Variants in TRIM38 observed in about 807,000 individuals in gnomAD.
TRIM38 encodes the protein E3 ubiquitin-protein ligase TRIM38.
TRIM38 carries 35 observed loss-of-function variants against 35.8 expected under a neutral mutation model. The observed-to-expected ratio is 0.98, with a 90% confidence interval of 0.75 to 1.30. The LOEUF (loss-of-function observed/expected upper bound fraction) is 1.30. Among genes scored for constraint, TRIM38 ranks in the 50% most tolerant of loss-of-function variants. TRIM38 has a pLI of 0.00. For synonymous variants in TRIM38, 198 were observed against 204.7 expected, an observed-to-expected ratio of 0.97 and a Z score of 0.28; for missense variants, 545 against 556.9, an observed-to-expected ratio of 0.98 and a Z score of 0.21.
At position 25,973,781 on chromosome 6, in the gene TRIM38, C is replaced by T. The variant is rs534192356; in HGVS notation, c.874+496C>T. On this transcript the variant is annotated intron_variant, in intron 7 of 7. Coordinates refer to ENST00000357085, the MANE Select transcript of TRIM38 (RefSeq NM_006355.5). ...TCATTCACATATTTTAGGAACTTGA[C>T]TTAGATAACACAGATGACAAATGTT... 1.3e-3 allele frequency: 1,275 copies of T among 985,390 alleles called. 2 individuals carry two copies. Among genetic ancestry groups the T allele is most frequent in the South Asian group, 3.2e-3 (68 of 21,288 alleles). The allele number at this position is 985,390 out of a possible 1,614,324, so 61.0% of individuals were successfully genotyped here.
At chr6:25,974,998 A>G (rs1760347732) in intron 7 of TRIM38, 1 of 980,308 alleles carries the variant, frequency 1.0e-6, no homozygotes, top group African/African-American at 1.8e-5. Flanking sequence ...GAATCATAAT[A>G]TGGTTCAAGT....
At position 25,972,039 on chromosome 6, in the gene TRIM38, C is replaced by T; in HGVS notation, c.678C>T (p.Leu226=). The change falls in exon 5 of 8, where the codon CTC becomes CTT. Residue 226 remains leucine, a synonymous_variant. Transcript: ENST00000357085. The part of the protein sequence containing the change: ...EAGLGLKSNE[L]KSHILELEEK... Reference sequence around the variant, plus strand: ...GTCTGGGGCTGAAGAGCAATGAACTCAAGAGCCACATCCTGGAACTGGAGG... The same window carrying T: ...GTCTGGGGCTGAAGAGCAATGAACTTAAGAGCCACATCCTGGAACTGGAGG... The T allele has an allele frequency of 6.2e-7, 1 of 1,614,080 alleles. No individual in the cohort carries two copies. The highest frequency in any genetic ancestry group is 8.5e-7 in the Non-Finnish European group (1 of 1,180,020).
At chr6:25,978,205 C>G (rs971163781) in intron 7 of TRIM38, among the ~76,000 whole-genome samples, 4 of 151,984 alleles carry the variant, frequency 2.6e-5, no homozygotes, top group African/African-American at 4.8e-5. Context: ...TGCAGTAGTG[C>G]GATTATGGCT....
intron 7 of TRIM38, among the ~76,000 whole-genome samples, chr6:25,976,518 G>T (rs1017251257): frequency 2.0e-5 from 3 of 152,146 alleles, no homozygotes; most frequent in Admixed American, 6.5e-5. Flanking sequence ...CAGTCCTCTC[G>T]CCTCGGCCTT....
At chr6:25,971,525 G>A (rs926811850) in intron 4 of TRIM38, among the ~76,000 whole-genome samples, 13 of 152,102 alleles carry the variant, frequency 8.5e-5, no homozygotes, top group African/African-American at 1.2e-4. Flanking sequence ...ACATTGTTGT[G>A]CAACCATCAC....
intron 2 of TRIM38, among the ~76,000 whole-genome samples, chr6:25,964,063 C>A (rs1045316733): frequency 2.6e-5 from 4 of 152,086 alleles, no homozygotes; most frequent in Non-Finnish European, 4.4e-5. Flanking sequence ...TTCCCCTTTG[C>A]CTTCTGAAGT....
chr6:25,973,565 A>G, intron 7 of TRIM38: 8 of 974,504 alleles, frequency 8.2e-6, no homozygotes, highest in Non-Finnish European at 9.8e-6. Context: ...AAATGAAAAT[A>G]TTAACAGCTC....
In TRIM38 at chr6:25,972,093, G is replaced by A. The variant is rs750159279; in HGVS notation, c.732G>A (p.Leu244=). 2 of 1,613,968 alleles carry A rather than the reference G, an allele frequency of 1.2e-6. No individual in the cohort carries two copies. The highest frequency in any genetic ancestry group is 1.7e-5 in the Admixed American group (1 of 59,994). Residue 244 remains leucine, a synonymous_variant, in exon 5 of 8, where the codon TTG becomes TTA. Coordinates refer to ENST00000357085, the MANE Select transcript of TRIM38 (RefSeq NM_006355.5). The part of the protein sequence containing the change: ...EEKCQGSAQK[L]LQNVNDTLSR... ...AATGTCAGGGCTCAGCCCAGAAATT[G>A]CTGCAGGTGAGGCTGTGTACTTGGA...
At chr6:25,975,151 T>C in intron 7 of TRIM38, 1 of 976,680 alleles carries the variant, frequency 1.0e-6, no homozygotes, top group Non-Finnish European at 1.2e-6. Flanking sequence ...ATTTCTTAAA[T>C]GGGCTTATCT....
rs561704964 is a variant in TRIM38, at chr6:25,989,554, A to G, written c.*5867A>G. The G allele has an allele frequency of 8.0e-6, 1 of 125,016 alleles. No individual in the cohort carries two copies. Among genetic ancestry groups the G allele is most frequent in the East Asian group, 2.5e-4 (1 of 4,058 alleles). The allele number at this position is 125,016 out of a possible 1,614,324, so 7.7% of individuals were successfully genotyped here. On this transcript the variant is annotated 3_prime_UTR_variant, in exon 8 of 8. Coordinates refer to ENST00000357085, the MANE Select transcript of TRIM38 (RefSeq NM_006355.5). ...TTTTTTAATAGAGACGGGTCTTGCT[A>G]CAGTGCCCAGGCTGGTCTCGAACTC...
intron 2 of TRIM38, among the ~76,000 whole-genome samples, chr6:25,963,914 A>AACAACAACAAC (rs1759931666): frequency 6.6e-6 from 1 of 150,962 alleles, no homozygotes; most frequent in Non-Finnish European, 1.5e-5. Flanking sequence ...CTGAAAGCAA[A>AACAACAACAAC]AACAACAACA....
intron 4 of TRIM38, among the ~76,000 whole-genome samples, chr6:25,971,024 C>A (rs964348834): frequency 6.6e-6 from 1 of 152,188 alleles, no homozygotes; most frequent in African/African-American, 2.4e-5. Flanking sequence ...AAAGCTCCCC[C>A]TGCCAAGAAT....
intron 7 of TRIM38, among the ~76,000 whole-genome samples, chr6:25,977,268 C>T (rs547244806): frequency 7.9e-5 from 12 of 152,304 alleles, no homozygotes; most frequent in African/African-American, 2.9e-4. Flanking sequence ...GTTCCAGCTA[C>T]TGGGGAGACT....
At chr6:25,974,807 A>G (rs1760342036) in intron 7 of TRIM38, 1 of 855,246 alleles carries the variant, frequency 1.2e-6, no homozygotes, top group Non-Finnish European at 1.4e-6. Flanking sequence ...TGTTCCAGGG[A>G]TTTCAGAAAA....
chr6:25,974,537 G>A (rs1280526596), intron 7 of TRIM38, among the ~76,000 whole-genome samples: 2 of 152,208 alleles, frequency 1.3e-5, no homozygotes, highest in Admixed American at 6.5e-5. Context: ...TTACGAGGGT[G>A]TGAACACCAA....
intron 7 of TRIM38, among the ~76,000 whole-genome samples, chr6:25,982,113 G>A (rs578256300): frequency 1.1e-4 from 17 of 152,188 alleles, no homozygotes; most frequent in South Asian, 6.2e-4. Context: ...CTGCCCTGCC[G>A]CACCACAAAT....
intron 7 of TRIM38, among the ~76,000 whole-genome samples, chr6:25,977,024 T>G (rs1193959582): frequency 6.6e-6 from 1 of 152,234 alleles, no homozygotes; most frequent in Non-Finnish European, 1.5e-5. Context: ...TTTAATAATT[T>G]TTATTGGGTT....
At position 25,975,125 on chromosome 6, in the gene TRIM38, C is replaced by T. The variant is rs543663356; in HGVS notation, c.874+1840C>T. On this transcript the variant is annotated intron_variant, in intron 7 of 7. Coordinates refer to ENST00000357085, the MANE Select transcript of TRIM38 (RefSeq NM_006355.5). The stretch of plus-strand genomic sequence containing the variant: ...TCGGCTCACTGCAAGCTCCGCCTTC[C>T]GGGTCAAGTGAAACTATTTCTTAAA... 23 of 972,928 alleles carry T rather than the reference C, an allele frequency of 2.4e-5. No individual in the cohort carries two copies. In the South Asian group the frequency reaches 4.8e-4, roughly 20 times the overall value. 60.3% of individuals were successfully genotyped at this position (972,928 alleles called of 1,614,324 possible). A position where few individuals can be genotyped will look rare whatever the true frequency, so the allele number is the denominator to read the frequency against.
intron 2 of TRIM38, among the ~76,000 whole-genome samples, chr6:25,965,076 G>A (rs1350300070): frequency 6.6e-6 from 1 of 152,176 alleles, no homozygotes; most frequent in African/African-American, 2.4e-5. Flanking sequence ...GCTTCCCAAA[G>A]TGCTAGGATT....
Sources: gnomAD v4.1 joint callset for allele counts (sites outside exome capture counted in the v4.1 genomes callset) on GRCh38, gnomAD v4.1.1 for gene constraint, MANE v1.5 for transcripts, NCBI Gene and HGNC (gene_info 2026-07-23, HGNC 2026-07-21) for gene names.